The following ATAD3C variants were observed in gnomAD, a reference collection of about 807,000 sequenced individuals.
ATAD3C encodes ATPase family AAA domain-containing protein 3C.
A neutral mutation model predicts 46.3 loss-of-function variants in ATAD3C; 38 were observed. The observed-to-expected ratio is 0.82, with a 90% CI of 0.63 to 1.08. The LOEUF is 1.08. Among genes scored for constraint, ATAD3C ranks in the 50% least tolerant of loss-of-function variants. The probability of loss-of-function intolerance (pLI) is 0.00; values close to 1 mark genes in which losing one functional copy is unlikely to be tolerated. For synonymous variants in ATAD3C, 220 were observed against 236.4 expected (o/e 0.93, Z 0.63); for missense variants, 563 against 572.7 (o/e 0.98, Z 0.17).
rs562106578 is a variant in ATAD3C at position 1,462,498 on chromosome 1, G to T, written c.981-102G>T. On this transcript the variant is annotated intron_variant, in intron 10 of 11. Transcript: ENST00000378785. This position sits in a 1 kb window ranked among gnomAD's most constrained non-coding sequence, Gnocchi z 4.5. ...CAGGTAGAGAGTCCCTCTCAAGGGG[G>T]CATCTGGCATGGGTGTCCGCCTGGC... 4 of 1,189,284 alleles carry T rather than the reference G, an allele frequency of 3.4e-6. No homozygotes were observed. Among genetic ancestry groups the T allele is most frequent in the Non-Finnish European group, 4.9e-6 (4 of 824,606 alleles). 73.7% of individuals were successfully genotyped at this position (1,189,284 alleles called of 1,614,324 possible). A position where few individuals can be genotyped will look rare whatever the true frequency, so the allele number is the denominator to read the frequency against.
In ATAD3C at chr1:1,457,290, T is replaced by A. The variant is rs182341393; in HGVS notation, c.741+110T>A. 4.7e-4 allele frequency: 731 copies of A among 1,562,138 alleles called. 9 individuals carry two copies. In the African/African-American group the frequency reaches 8.9e-3, roughly 19 times the overall value. On this transcript the variant is annotated intron_variant, in intron 8 of 11. Transcript: ENST00000378785. ...GCTCAATTTCTTTTTCTCTAAGTTT[T>A]GTGTGAAAAACACAGCATTTTTGGC...
In ATAD3C at chr1:1,450,632, C is replaced by A. The variant is rs552267118; in HGVS notation, c.-52C>A. On this transcript the variant is annotated 5_prime_UTR_variant, in exon 1 of 12. Coordinates refer to ENST00000378785, the MANE Select transcript of ATAD3C (RefSeq NM_001039211.3). Reference sequence around the variant, plus strand: ...TTGGCTGGTGTGCGTGCCTGCCCAGCGGCATCCGTGTATCCTAACACCTGC... The same window carrying A: ...TTGGCTGGTGTGCGTGCCTGCCCAGAGGCATCCGTGTATCCTAACACCTGC... 2.5e-6 allele frequency: 4 copies of A among 1,575,274 alleles called. No individual in the cohort carries two copies. Among genetic ancestry groups the A allele is most frequent in the African/African-American group, 1.3e-5 (1 of 74,116 alleles).
intron 3 of ATAD3C, among the ~76,000 whole-genome samples, chr1:1,453,855 G>C (rs1638904586): frequency 6.6e-6 from 1 of 151,558 alleles, no homozygotes; most frequent in African/African-American, 2.4e-5. Context: ...GGGTTAGGCT[G>C]GTCTTCAACT....
At chr1:1,461,427 A>T (rs766916334) in intron 10 of ATAD3C, among the ~76,000 whole-genome samples, 10 of 151,924 alleles carry the variant, frequency 6.6e-5, no homozygotes, top group Non-Finnish European at 1.0e-4. Context: ...ACCTCAGGTG[A>T]TCCGCCCGCT....
chr1:1,455,353 T>C, intron 4 of ATAD3C, 107 bp from the exon 5 acceptor site: 2 of 1,483,064 alleles, frequency 1.3e-6, no homozygotes, highest in Non-Finnish European at 1.8e-6. Flanking sequence ...GTCCTGGCTG[T>C]GATTCGGGGC....
intron 11 of ATAD3C, among the ~76,000 whole-genome samples, chr1:1,467,424 T>C (rs1326897957): frequency 1.3e-5 from 2 of 151,892 alleles, no homozygotes; most frequent in Admixed American, 1.3e-4. Flanking sequence ...CGACCCACAG[T>C]GGTGGTCCGG....
At position 1,462,145 on chromosome 1, in the gene ATAD3C, G is replaced by A. The variant is rs537791962; in HGVS notation, c.981-455G>A. Among the ~76,000 whole-genome samples, 16 of 152,100 alleles carry A rather than the reference G, an allele frequency of 1.1e-4. No homozygotes were observed. The East Asian group carries it at 1.4e-3, about 13-fold the overall frequency. ...AAAGAGAGCCTGGTTCTCCCCTGCC[G>A]ACCCCTCCACTGCCGCCTGCTCCAT... On this transcript the variant is annotated intron_variant, in intron 10 of 11. Coordinates refer to ENST00000378785, the MANE Select transcript of ATAD3C (RefSeq NM_001039211.3). The surrounding 1 kb of genome is among the most constrained non-coding windows in gnomAD (Gnocchi z 4.5).
intron 2 of ATAD3C, 91 bp from the exon 3 acceptor site, chr1:1,452,274 C>A: frequency 1.3e-6 from 2 of 1,599,218 alleles, no homozygotes; most frequent in Admixed American, 1.7e-5. Context: ...CAGGACCAGG[C>A]TGCTGTGTCA....
Position 1,450,440 on chromosome 1 carries a change from A to G in ATAD3C, c.-244A>G. The G allele has an allele frequency of 2.0e-6, 1 of 506,342 alleles. No individual in the cohort carries two copies. The highest frequency in any genetic ancestry group is 3.2e-5 in the East Asian group (1 of 31,700). The allele number at this position is 506,342 out of a possible 1,614,324, so 31.4% of individuals were successfully genotyped here. ...CCGTCCACATGGGATGGCCTTCCTG[A>G]TGTGGCTCTCCAAGACCATCCCTGG... On this transcript the variant is annotated 5_prime_UTR_variant, in exon 1 of 12. It removes an upstream start codon present in the reference 5' UTR. Coordinates refer to ENST00000378785, the MANE Select transcript of ATAD3C (RefSeq NM_001039211.3).
Position 1,454,138 on chromosome 1 carries a change from G to T in ATAD3C, c.223-207G>T, listed in dbSNP as rs1264686609. 2.0e-5 allele frequency among the ~76,000 whole-genome samples: 3 copies of T among 152,108 alleles called. 1 individual carries two copies. Among genetic ancestry groups the T allele is most frequent in the Non-Finnish European group, 4.4e-5 (3 of 68,004 alleles). The stretch of plus-strand genomic sequence containing the variant: ...CCAGTTGCAGAGAAAATGGCCCTGA[G>T]TGAGGGCGCTGTGACTGCCCCACCT... On this transcript the variant is annotated intron_variant, in intron 3 of 11. Transcript: ENST00000378785.
In ATAD3C at chr1:1,469,113, A is replaced by T. The variant is rs1639198554; in HGVS notation, c.*583A>T. ...TCCATCTCTCCTAAAAAAAAAAAAA[A>T]AAAAAAAAAAAAAAAAAAAAAAATT... is the stretch of plus-strand genomic sequence containing the variant. On this transcript the variant is annotated 3_prime_UTR_variant, in exon 12 of 12. Coordinates refer to ENST00000378785, the MANE Select transcript of ATAD3C (RefSeq NM_001039211.3). 5.1e-5 allele frequency: 7 copies of T among 138,152 alleles called. No homozygotes were observed. The highest frequency in any genetic ancestry group is 2.1e-4 in the African/African-American group (7 of 33,086). 8.6% of individuals were successfully genotyped at this position (138,152 alleles called of 1,614,324 possible).
rs1178514329 is a variant in ATAD3C, at chr1:1,459,936, T to C, written c.812+705T>C. On this transcript the variant is annotated intron_variant, in intron 9 of 11. Coordinates refer to ENST00000378785, the MANE Select transcript of ATAD3C (RefSeq NM_001039211.3). The surrounding 1 kb of genome is among the most constrained non-coding windows in gnomAD (Gnocchi z 4.9). ...TGACTCCTCAGGCACGTTGGGCTCC[T>C]GGGTCAGCTGCTGCCGGTAGACGCT... Among the ~76,000 whole-genome samples, 44 of 152,108 alleles carry C rather than the reference T, an allele frequency of 2.9e-4. No individual in the cohort carries two copies. The highest frequency in any genetic ancestry group is 4.7e-4 in the Non-Finnish European group (32 of 67,940).
intron 4 of ATAD3C, among the ~76,000 whole-genome samples, chr1:1,455,004 A>G (rs1638929341): frequency 6.6e-6 from 1 of 151,486 alleles, no homozygotes; most frequent in Non-Finnish European, 1.5e-5. Context: ...TCATGAGGTC[A>G]GGACATCGAG....
In ATAD3C at chr1:1,463,198, C is replaced by T. The variant is rs752045695; in HGVS notation, c.1089+490C>T. ...CACAGCCAGTTGTTTCTCAGGGGCA[C>T]CCCTCCTGCAGCTCCATGGCTGCCC... On this transcript the variant is annotated intron_variant, in intron 11 of 11. Transcript: ENST00000378785. Among the ~76,000 whole-genome samples the T allele has an allele frequency of 1.2e-3, 184 of 152,180 alleles. 6 individuals carry two copies. Among genetic ancestry groups the T allele is most frequent in the Middle Eastern group, 0.01 (3 of 294 alleles).
intron 11 of ATAD3C, among the ~76,000 whole-genome samples, chr1:1,464,185 C>T (rs1266975493): frequency 7.0e-6 from 1 of 142,434 alleles, no homozygotes; most frequent in Non-Finnish European, 1.5e-5. Flanking sequence ...TCAGCCTGAG[C>T]AACAGAGTGA....
chr1:1,455,984 G>A, intron 6 of ATAD3C, 68 bp downstream of exon 6: 2 of 1,603,012 alleles, frequency 1.2e-6, no homozygotes, highest in Admixed American at 1.8e-5. Flanking sequence ...AGGTGTCTGG[G>A]GGGCTCAGCT....
rs769402350 is a variant in ATAD3C, at chr1:1,455,832, A to C, written c.480A>C (p.Thr160=). ...EARVRDIAIM[T]RNIKKNRGLY... ...GGGTGCGCGACATCGCCATAATGAC[A>C]AGGAACATCAAGAAGAACCGGGGCC... Residue 160 remains threonine (T), a synonymous_variant, in exon 6 of 12, where the codon ACA becomes ACC. Coordinates refer to ENST00000378785, the MANE Select transcript of ATAD3C (RefSeq NM_001039211.3). 1.2e-6 allele frequency: 2 copies of C among 1,613,482 alleles called. No homozygotes were observed. The highest frequency in any genetic ancestry group is 1.7e-5 in the Admixed American group (1 of 59,994).
chr1:1,460,566 G>T (rs899575193), intron 9 of ATAD3C, among the ~76,000 whole-genome samples, 184 bp from the exon 10 acceptor site: 1 of 152,072 alleles, frequency 6.6e-6, no homozygotes, highest in Non-Finnish European at 1.5e-5. Flanking sequence ...ACAGCTGGGC[G>T]TGGTGGGGCA....
At position 1,455,517 on chromosome 1, in the gene ATAD3C, A is replaced by C. The variant is rs1279256701; in HGVS notation, c.436A>C (p.Ser146Arg). ...GGACGTGCTGGAGGGTGTTGTGCTT[A>C]GTGTAAGTCGGTGTGCCTGGGACCG... The part of the protein sequence containing the change: ...PQDVLEGVVL[S>R]PSLEARVRDI... The change falls in exon 5 of 12, where the codon AGT becomes CGT. Residue 146 changes from serine (S) to arginine (R), a missense_variant and splice_region_variant. Physicochemically the swap from Ser to Arg is moderately radical, Grantham distance 110. This residue lies in a region of ATAD3C where 263 missense variants were observed against 243.1 expected (regional missense o/e 1.08). Coordinates refer to ENST00000378785, the MANE Select transcript of ATAD3C (RefSeq NM_001039211.3). 1 of 1,612,210 alleles carries C rather than the reference A, an allele frequency of 6.2e-7. No homozygotes were observed. The highest frequency in any genetic ancestry group is 8.5e-7 in the Non-Finnish European group (1 of 1,179,468).
Sources: gnomAD v4.1 joint callset for allele counts (sites outside exome capture counted in the v4.1 genomes callset) on GRCh38, gnomAD v4.1.1 for gene constraint, gnomAD v4.1.1 regional missense constraint, Gnocchi (gnomAD v3.1) non-coding constraint, MANE v1.5 for transcripts, NCBI Gene and HGNC (gene_info 2026-07-23, HGNC 2026-07-21) for gene names.